Variants in SMARCC1 observed in about 807,000 individuals in gnomAD.
SMARCC1 encodes the protein SWI/SNF related BAF chromatin remodeling complex subunit C1, also known as SWI/SNF complex subunit SMARCC1.
SMARCC1 carries 43 observed loss-of-function variants against 147.4 expected under a neutral mutation model. The observed-to-expected ratio is 0.29, with a 90% CI of 0.23 to 0.38. The LOEUF (loss-of-function observed/expected upper bound fraction) is 0.38, where lower values mean the gene tolerates loss of function less well. Among genes scored for constraint, SMARCC1 ranks in the 10% least tolerant of loss-of-function variants. The pLI is 1.00. For missense variants in SMARCC1, 1,119 were observed against 1,381.1 expected (o/e 0.81, Z 3.01); for synonymous variants, 495 against 484.4 (o/e 1.02, Z -0.29).
chr3:47,666,745 GCTC>G, intron 19 of SMARCC1, among the ~76,000 whole-genome samples: 1 of 151,860 alleles, frequency 6.6e-6, no homozygotes, highest in East Asian at 1.9e-4. Flanking sequence ...TTTTTTTTAA[GCTC>G]ATCAGCTATT....
chr3:47,729,011 CA>C lies in SMARCC1; in HGVS notation c.646+13del, dbSNP rs771991147. On this transcript the variant is annotated intron_variant, in intron 6 of 27. Coordinates refer to ENST00000254480, the MANE Select transcript of SMARCC1 (RefSeq NM_003074.4). ...TGTATGAGCTCATCTGTTCACAACG[CA>C]AAACTAACTTACCATCGTCTTGTGA... The C allele has an allele frequency of 1.9e-6, 3 of 1,595,092 alleles. No homozygotes were observed. Among genetic ancestry groups the C allele is most frequent in the African/African-American group, 2.7e-5 (2 of 74,506 alleles).
In SMARCC1 at chr3:47,738,095, T is replaced by C. The variant is rs749667454; in HGVS notation, c.417A>G (p.Leu139=). Residue 139 remains leucine (L), a synonymous_variant, in exon 4 of 28, where the codon CTA becomes CTG. Transcript: ENST00000254480. ...TACGATCCATTCGAGATGGGTTCTG[T>C]AGGTCAAACCTCCGCCTAAAAAAAA... ...KNEQGWRRFD[L]QNPSRMDRNV... is the part of the protein sequence containing the mutation. 6.3e-7 allele frequency: 1 copy of C among 1,580,460 alleles called. No homozygotes were observed. Among genetic ancestry groups the C allele is most frequent in the Non-Finnish European group, 8.6e-7 (1 of 1,164,012 alleles).
chr3:47,652,100 G>C (rs2033197265), intron 21 of SMARCC1, among the ~76,000 whole-genome samples: 2 of 152,184 alleles, frequency 1.3e-5, no homozygotes, highest in Non-Finnish European at 2.9e-5. Context: ...TTCCTGAGTA[G>C]CTAGGACTAC....
chr3:47,604,522 TG>T, intron 26 of SMARCC1: 18 of 339,478 alleles, frequency 5.3e-5, no homozygotes, highest in South Asian at 4.3e-4. Flanking sequence ...CCTTACCCTG[TG>T]GCAACTCAGA....
chr3:47,759,201 C>A (rs2034741902), intron 2 of SMARCC1, among the ~76,000 whole-genome samples: 1 of 151,638 alleles, frequency 6.6e-6, no homozygotes, highest in East Asian at 2.0e-4. Context: ...TTTGTAGAGA[C>A]CAGCTTTTGC....
intron 25 of SMARCC1, among the ~76,000 whole-genome samples, chr3:47,612,118 G>A (rs1292339148): frequency 6.6e-6 from 1 of 152,186 alleles, no homozygotes; most frequent in Non-Finnish European, 1.5e-5. Context: ...TGCATGATGA[G>A]AAGGGAGATG....
At chr3:47,692,080 A>T (rs2033796833) in intron 12 of SMARCC1, among the ~76,000 whole-genome samples, 1 of 152,234 alleles carries the variant, frequency 6.6e-6, no homozygotes. Flanking sequence ...TTTCTAAAAA[A>T]GATCTTGAAA....
At chr3:47,700,595 T>A (rs925009297) in intron 11 of SMARCC1, among the ~76,000 whole-genome samples, 1 of 152,198 alleles carries the variant, frequency 6.6e-6, no homozygotes, top group Non-Finnish European at 1.5e-5. Flanking sequence ...CTCAGCTCAC[T>A]GCAACCTCCG....
At chr3:47,638,622 AATT>A in intron 22 of SMARCC1, 100 bp downstream of exon 22, 1 of 770,126 alleles carries the variant, frequency 1.3e-6, no homozygotes, top group Non-Finnish European at 2.3e-6. Context: ...TAGCTGATAG[AATT>A]ATTTAGAGTC....
chr3:47,625,557 C>T (rs933054441), intron 24 of SMARCC1, among the ~76,000 whole-genome samples: 2 of 152,048 alleles, frequency 1.3e-5, no homozygotes, highest in Non-Finnish European at 2.9e-5. Flanking sequence ...TATTCTAATA[C>T]TTCCATAATA....
intron 6 of SMARCC1, among the ~76,000 whole-genome samples, chr3:47,724,346 G>A (rs959955956): frequency 2.6e-5 from 4 of 152,082 alleles, no homozygotes; most frequent in Non-Finnish European, 5.9e-5. Context: ...GAACAATAAG[G>A]ACACTGTACC....
At chr3:47,607,168 G>T (rs2032489384) in intron 26 of SMARCC1, among the ~76,000 whole-genome samples, 2 of 152,136 alleles carry the variant, frequency 1.3e-5, no homozygotes, top group South Asian at 4.1e-4. Flanking sequence ...AAATAAGACT[G>T]AGAAAGAATG....
In SMARCC1 at chr3:47,701,393, G is replaced by A. The variant is rs774906136; in HGVS notation, c.1050C>T (p.Ser350=). The part of the protein sequence containing the change: ...RKKSGKKGQA[S]LYGKRRSQKE... The stretch of plus-strand genomic sequence containing the variant: ...TCTGACTTCTGCGCTTCCCATAAAG[G>A]CTAGCTTGGCTAAAACATACAAGTA... The change falls in exon 11 of 28, where the codon AGC becomes AGT. Residue 350 remains serine, a synonymous_variant. Transcript: ENST00000254480. 2.5e-6 allele frequency: 4 copies of A among 1,613,514 alleles called. No homozygotes were observed. Among genetic ancestry groups the A allele is most frequent in the Non-Finnish European group, 3.4e-6 (4 of 1,179,650 alleles).
chr3:47,663,143 A>G (rs1302962623), intron 19 of SMARCC1, among the ~76,000 whole-genome samples: 2 of 97,666 alleles, frequency 2.0e-5, no homozygotes, highest in African/African-American at 7.8e-5. Flanking sequence ...GGGAGGGAGG[A>G]AGGAAAGGAG....
At chr3:47,702,273 G>C (rs2033931740) in intron 10 of SMARCC1, among the ~76,000 whole-genome samples, 1 of 147,440 alleles carries the variant, frequency 6.8e-6, no homozygotes, top group South Asian at 2.1e-4. Flanking sequence ...TTACCTTTAG[G>C]GATTACAAGG....
At chr3:47,744,506 T>C (rs1384424209) in intron 3 of SMARCC1, among the ~76,000 whole-genome samples, 2 of 152,180 alleles carry the variant, frequency 1.3e-5, no homozygotes, top group East Asian at 3.8e-4. Flanking sequence ...CTTGTCCTTA[T>C]TGTTGATCTA....
chr3:47,751,078 AG>A (rs1463103170), intron 2 of SMARCC1, among the ~76,000 whole-genome samples: 17 of 151,866 alleles, frequency 1.1e-4, no homozygotes, highest in Admixed American at 7.2e-4. Flanking sequence ...TTGTATTTTT[AG>A]TAGAGACAGG....
At chr3:47,728,934 G>A (rs543854284) in intron 6 of SMARCC1, 91 bp downstream of exon 6, 2 of 756,982 alleles carry the variant, frequency 2.6e-6, no homozygotes, top group African/African-American at 1.8e-5. Flanking sequence ...ATAAAAAGCT[G>A]GTTATTCTGT....
chr3:47,613,385 CTTTTTTTTT>C (rs200905934), intron 25 of SMARCC1, among the ~76,000 whole-genome samples: 1 of 141,136 alleles, frequency 7.1e-6, no homozygotes, highest in Non-Finnish European at 1.6e-5. Context: ...GAACTTTTCT[CTTTTTTTTT>C]TTTTTTTGAG....
Sources: gnomAD v4.1 joint callset for allele counts (sites outside exome capture counted in the v4.1 genomes callset) on GRCh38, gnomAD v4.1.1 for gene constraint, MANE v1.5 for transcripts, NCBI Gene and HGNC (gene_info 2026-07-23, HGNC 2026-07-21) for gene names.